CDK19: variants seen among roughly 807,000 people sequenced by gnomAD.
CDK19 encodes the protein cyclin-dependent kinase 19.
A neutral mutation model predicts 68.3 loss-of-function variants in CDK19; 20 were observed. That is an observed-to-expected ratio of 0.29 (90% CI 0.21 to 0.43). CDK19 has a LOEUF of 0.43. Ranked by LOEUF, CDK19 falls within the 20% of genes least tolerant of loss-of-function variation. CDK19 has a pLI of 1.00. For missense variants in CDK19, 339 were observed against 623.5 expected, an observed-to-expected ratio of 0.54 and a Z score of 4.86; for synonymous variants, 221 against 222.8, an observed-to-expected ratio of 0.99 and a Z score of 0.07.
chr6:110,697,828 C>G (rs1300100053), intron 2 of CDK19, among the ~76,000 whole-genome samples: 1 of 152,078 alleles, frequency 6.6e-6, no homozygotes. Flanking sequence ...CACAGACCAA[C>G]AGAACAGAAT....
chr6:110,676,116 A>G lies in CDK19; in HGVS notation c.205-5575T>C, dbSNP rs947110029. ...GCATCAACATTAACAGGAATGTGGA[A>G]AAAGTTGATTCCAACCCTCATGGAT... On this transcript the variant is annotated intron_variant, in intron 2 of 12. Transcript: ENST00000368911. Among the ~76,000 whole-genome samples, 5 of 152,354 alleles carry G rather than the reference A, an allele frequency of 3.3e-5. No homozygotes were observed. In the South Asian group the frequency reaches 1.0e-3, roughly 32 times the overall value.
At chr6:110,638,039 T>C (rs1473315198) in intron 5 of CDK19, among the ~76,000 whole-genome samples, 1 of 151,558 alleles carries the variant, frequency 6.6e-6, no homozygotes, top group South Asian at 2.1e-4. Context: ...AAATATGTAA[T>C]AGGTATAAAT....
At chr6:110,797,573 GAAGA>G (rs1782027540) in intron 1 of CDK19, among the ~76,000 whole-genome samples, 2 of 152,280 alleles carry the variant, frequency 1.3e-5, no homozygotes, top group East Asian at 3.9e-4. Flanking sequence ...AAGAAAAAAG[GAAGA>G]AAGCAGCAAT....
chr6:110,660,927 G>A (rs1319058875), intron 4 of CDK19, among the ~76,000 whole-genome samples: 3 of 152,150 alleles, frequency 2.0e-5, no homozygotes, highest in South Asian at 2.1e-4. Flanking sequence ...AACTTCACCA[G>A]GGACCCACCC....
At chr6:110,641,514 G>A (rs1780165594) in intron 4 of CDK19, among the ~76,000 whole-genome samples, 1 of 149,918 alleles carries the variant, frequency 6.7e-6, no homozygotes, top group South Asian at 2.1e-4. Context: ...GGAATCGCTT[G>A]AACCCAGGAG....
At chr6:110,774,468 C>T (rs1157859024) in intron 1 of CDK19, among the ~76,000 whole-genome samples, 1 of 152,086 alleles carries the variant, frequency 6.6e-6, no homozygotes, top group African/African-American at 2.4e-5. Flanking sequence ...ATTCATGTCC[C>T]CAAAGGGACA....
intron 5 of CDK19, among the ~76,000 whole-genome samples, chr6:110,637,777 C>T (rs10457217): frequency 0.048 from 7,351 of 152,204 alleles, 188 homozygotes; most frequent in Middle Eastern, 0.085. Flanking sequence ...GTCAGGAGTT[C>T]GAGACCAGCC....
At chr6:110,617,415 A>G (rs922053108) in intron 12 of CDK19, among the ~76,000 whole-genome samples, 13 of 152,090 alleles carry the variant, frequency 8.5e-5, no homozygotes, top group Non-Finnish European at 1.6e-4. Flanking sequence ...GTCTATTAGC[A>G]TCAGATCATA....
In CDK19 at chr6:110,610,022, G is replaced by A. The variant is rs1009094805; in HGVS notation, c.*4513C>T. On this transcript the variant is annotated 3_prime_UTR_variant, in exon 13 of 13. Coordinates refer to ENST00000368911, the MANE Select transcript of CDK19 (RefSeq NM_015076.5). ...TTTCAACCAAGAATATAAAATAAATGCAATGTAATTTATTTTAGTTTTAAC... is the reference window on the plus strand; with the variant it reads ...TTTCAACCAAGAATATAAAATAAATACAATGTAATTTATTTTAGTTTTAAC... The A allele has an allele frequency of 6.6e-6, 1 of 152,182 alleles. No homozygotes were observed. Among genetic ancestry groups the A allele is most frequent in the Non-Finnish European group, 1.5e-5 (1 of 68,026 alleles). 9.4% of individuals were successfully genotyped at this position (152,182 alleles called of 1,614,324 possible).
rs990475751 is a variant in CDK19, at chr6:110,702,224, T to A, written c.205-31683A>T. Among the ~76,000 whole-genome samples, 16 of 152,218 alleles carry A rather than the reference T, an allele frequency of 1.1e-4. 1 individual carries two copies. The highest frequency in any genetic ancestry group is 1.0e-3 in the Admixed American group (16 of 15,298). On this transcript the variant is annotated intron_variant, in intron 2 of 12. Coordinates refer to ENST00000368911, the MANE Select transcript of CDK19 (RefSeq NM_015076.5). ...ACTTTGGGAGGCAAAGGTAGGAGGA[T>A]TGCTTGAGCCCAGGATTTTGAGACC...
At chr6:110,646,244 G>A in intron 4 of CDK19, 5 of 1,493,326 alleles carry the variant, frequency 3.3e-6, no homozygotes, top group Non-Finnish European at 4.5e-6. Flanking sequence ...TGGCTCTGTG[G>A]CCGTTCCACA....
chr6:110,750,191 T>G (rs566219714), intron 1 of CDK19, among the ~76,000 whole-genome samples: 4 of 145,880 alleles, frequency 2.7e-5, no homozygotes, highest in African/African-American at 1.0e-4. Context: ...TAGAGAGGAC[T>G]AAGATTAAAG....
intron 1 of CDK19, among the ~76,000 whole-genome samples, chr6:110,777,450 AAAAAACTAAAAAAGG>A (rs1324810311): frequency 2.6e-5 from 4 of 152,190 alleles, no homozygotes; most frequent in Non-Finnish European, 5.9e-5. Flanking sequence ...GGTTACTATC[AAAAAACTAAAAAAGG>A]AAAAACTAAA....
At chr6:110,731,765 TCTATCCTATTTGCATAGA>T (rs951853689) in intron 2 of CDK19, among the ~76,000 whole-genome samples, 16 of 152,304 alleles carry the variant, frequency 1.1e-4, no homozygotes, top group South Asian at 4.1e-4. Flanking sequence ...AACCATTCAA[TCTATCCTATTTGCATAGA>T]CTATCCTATT....
chr6:110,775,007 G>T (rs1404145009), intron 1 of CDK19, among the ~76,000 whole-genome samples: 1 of 151,928 alleles, frequency 6.6e-6, no homozygotes, highest in African/African-American at 2.4e-5. Flanking sequence ...CAGCACTTTG[G>T]GAGGCCGAGG....
At chr6:110,634,796 C>T (rs769519386) in intron 5 of CDK19, among the ~76,000 whole-genome samples, 3 of 152,186 alleles carry the variant, frequency 2.0e-5, no homozygotes, top group African/African-American at 4.8e-5. Context: ...TGATGGAATG[C>T]TGTTTCATCC....
chr6:110,752,057 C>T (rs1049639459), intron 1 of CDK19, among the ~76,000 whole-genome samples: 2 of 140,496 alleles, frequency 1.4e-5, no homozygotes, highest in African/African-American at 5.2e-5. Context: ...TTTGAAATAA[C>T]AAAAAAAAAA....
intron 2 of CDK19, among the ~76,000 whole-genome samples, chr6:110,681,950 TAC>T (rs1220247230): frequency 6.6e-6 from 1 of 152,228 alleles, no homozygotes; most frequent in Non-Finnish European, 1.5e-5. Context: ...TAAAATAATC[TAC>T]AGTTAGAATT....
intron 5 of CDK19, among the ~76,000 whole-genome samples, chr6:110,637,940 G>A (rs970064487): frequency 5.9e-5 from 9 of 152,284 alleles, no homozygotes; most frequent in African/African-American, 1.4e-4. Context: ...CCAAGATCGC[G>A]CCATTGCACT....
Sources: gnomAD v4.1 joint callset for allele counts (sites outside exome capture counted in the v4.1 genomes callset) on GRCh38, gnomAD v4.1.1 for gene constraint, MANE v1.5 for transcripts, NCBI Gene and HGNC (gene_info 2026-07-23, HGNC 2026-07-21) for gene names.